Variants in LINGO2 observed in about 807,000 individuals in gnomAD.
The protein encoded by LINGO2 is leucine rich repeat and Ig domain containing 2, also known as leucine-rich repeat and immunoglobulin-like domain-containing nogo receptor-interacting protein 2.
LINGO2 carries 14 observed loss-of-function variants against 30.6 expected under a neutral mutation model. The observed-to-expected ratio is 0.46, with a 90% CI of 0.30 to 0.72. LINGO2 has a LOEUF of 0.72. Ranked by LOEUF, LINGO2 falls within the 30% of genes least tolerant of loss-of-function variation. The pLI, the probability that LINGO2 is intolerant of heterozygous loss-of-function variation, is 0.07. For synonymous variants in LINGO2, 317 were observed against 288.5 expected (o/e 1.10, Z -1.00); for missense variants, 729 against 751.7 (o/e 0.97, Z 0.35).
At chr9:28,437,113 G>T (rs1259437167) in intron 2 of LINGO2, among the ~76,000 whole-genome samples, 1 of 152,202 alleles carries the variant, frequency 6.6e-6, no homozygotes, top group Non-Finnish European at 1.5e-5. Flanking sequence ...ATCAAAGGAG[G>T]TTGGCTTATG....
At chr9:29,056,284 A>T in the LINGO2 span, among the ~76,000 whole-genome samples, 1 of 151,988 alleles carries the variant, frequency 6.6e-6, no homozygotes, top group African/African-American at 2.4e-5. Flanking sequence ...TTTTTTGATT[A>T]TGGCGTCCTT....
intron 4 of LINGO2, among the ~76,000 whole-genome samples, chr9:28,226,991 G>A (rs143010382): frequency 6.6e-6 from 1 of 152,066 alleles, no homozygotes; most frequent in Non-Finnish European, 1.5e-5. Context: ...CTTGTAGGTA[G>A]GCTGCAGATC....
At chr9:28,315,049 A>T (rs967361883) in intron 3 of LINGO2, among the ~76,000 whole-genome samples, 2 of 151,492 alleles carry the variant, frequency 1.3e-5, no homozygotes, top group Non-Finnish European at 2.9e-5. Context: ...AATATGAAAC[A>T]TTTCAGGAGT....
intron 2 of LINGO2, among the ~76,000 whole-genome samples, chr9:28,414,185 A>C (rs1411955639): frequency 2.0e-5 from 3 of 151,964 alleles, no homozygotes; most frequent in Non-Finnish European, 2.9e-5. Flanking sequence ...AGACTTTCAG[A>C]ACTTTACTTG....
chr9:28,037,763 C>A (rs10968299), intron 4 of LINGO2, among the ~76,000 whole-genome samples: 9,997 of 152,228 alleles, frequency 0.066, 623 homozygotes, highest in East Asian at 0.33. Flanking sequence ...ATATGGATCA[C>A]AAATGTGGTT....
At chr9:28,966,308 C>T in the LINGO2 span, among the ~76,000 whole-genome samples, 22,083 of 147,278 alleles carry the variant, frequency 0.15, 1,700 homozygotes, top group East Asian at 0.24. Context: ...TATGAACAAA[C>T]GGTTAGAGAA....
chr9:28,498,155 T>C (rs1312472573), intron 1 of LINGO2, among the ~76,000 whole-genome samples: 2 of 152,234 alleles, frequency 1.3e-5, no homozygotes, highest in East Asian at 3.9e-4. Flanking sequence ...TCAAACTCCG[T>C]GCTGGGAGAA....
chr9:28,512,695 C>CTA (rs1554730626), intron 1 of LINGO2, among the ~76,000 whole-genome samples: 3 of 105,942 alleles, frequency 2.8e-5, no homozygotes, highest in Admixed American at 1.0e-4. Flanking sequence ...CTATCTATCT[C>CTA]TCTGGGAATT....
intron 3 of LINGO2, among the ~76,000 whole-genome samples, chr9:28,299,433 A>C (rs1048771161): frequency 1.3e-5 from 2 of 148,676 alleles, no homozygotes; most frequent in Non-Finnish European, 3.0e-5. Context: ...ATTATTCACA[A>C]AATTATTGCT....
At chr9:29,009,571 G>A in the LINGO2 span, among the ~76,000 whole-genome samples, 5 of 152,258 alleles carry the variant, frequency 3.3e-5, no homozygotes, top group African/African-American at 1.2e-4. Context: ...CTCATGGGTA[G>A]GAAGAATCAA....
the LINGO2 span, among the ~76,000 whole-genome samples, chr9:28,813,543 C>T: frequency 2.0e-5 from 3 of 152,250 alleles, no homozygotes; most frequent in Middle Eastern, 6.8e-3. Context: ...CCCTTCCTTC[C>T]TTCCATTATT....
At chr9:28,507,240 T>TGTGC (rs5897306) in intron 1 of LINGO2, among the ~76,000 whole-genome samples, 9,504 of 149,812 alleles carry the variant, frequency 0.063, 384 homozygotes, top group East Asian at 0.15. Flanking sequence ...TGTGTGTGCG[T>TGTGC]GCGTGCGCAC....
the LINGO2 span, among the ~76,000 whole-genome samples, chr9:29,099,479 C>T: frequency 4.4e-4 from 67 of 152,010 alleles, no homozygotes; most frequent in African/African-American, 1.6e-3. Context: ...CTGTATACTA[C>T]CCATCTGACA....
intron 4 of LINGO2, among the ~76,000 whole-genome samples, chr9:28,021,203 C>A (rs1467110787): frequency 6.6e-6 from 1 of 152,042 alleles, no homozygotes; most frequent in African/African-American, 2.4e-5. Context: ...CTGTATCATA[C>A]ATTTTAATAA....
At chr9:28,552,600 T>G (rs1460954662) in intron 1 of LINGO2, among the ~76,000 whole-genome samples, 1 of 151,964 alleles carries the variant, frequency 6.6e-6, no homozygotes. Flanking sequence ...GTGAGTCTAT[T>G]CATTATAAAA....
chr9:28,716,698 A>G, the LINGO2 span, among the ~76,000 whole-genome samples: 3 of 152,132 alleles, frequency 2.0e-5, no homozygotes, highest in Non-Finnish European at 4.4e-5. Flanking sequence ...TAGATAAGAC[A>G]GAAAGATAGA....
the LINGO2 span, among the ~76,000 whole-genome samples, chr9:29,118,090 CA>C: frequency 6.6e-6 from 1 of 151,968 alleles, no homozygotes; most frequent in Non-Finnish European, 1.5e-5. Flanking sequence ...ACAAAACAAA[CA>C]TCAAAAAAAT....
chr9:28,730,090 AAG>A, the LINGO2 span, among the ~76,000 whole-genome samples: 2 of 152,170 alleles, frequency 1.3e-5, no homozygotes, highest in Non-Finnish European at 2.9e-5. Context: ...ATAAGAAAAA[AAG>A]AGATTTTCAG....
the LINGO2 span, among the ~76,000 whole-genome samples, chr9:29,158,194 C>CAA: frequency 2.4e-4 from 32 of 134,072 alleles, no homozygotes; most frequent in Admixed American, 9.3e-4. Flanking sequence ...TAAAAAAAAA[C>CAA]AAAAAAAAAA....
Sources: allele counts gnomAD v4.1 joint callset (sites outside exome capture counted in the v4.1 genomes callset), GRCh38; gene constraint gnomAD v4.1.1; transcripts MANE v1.5; gene names NCBI Gene and HGNC (gene_info 2026-07-23, HGNC 2026-07-21).